The following RRM2 variants were observed in gnomAD, a reference collection of about 807,000 sequenced individuals.
RRM2 encodes ribonucleotide reductase regulatory subunit M2, also known as ribonucleoside-diphosphate reductase subunit M2.
RRM2 carries 6 observed loss-of-function variants against 45.9 expected under a neutral mutation model. The ratio of observed to expected loss-of-function variants is 0.13; its 90% confidence interval spans 0.07 to 0.26. RRM2 has a LOEUF of 0.26. Ranked by LOEUF, RRM2 falls within the 10% of genes least tolerant of loss-of-function variation. RRM2 has a pLI of 1.00. For missense variants in RRM2, 343 were observed against 489.5 expected (o/e 0.70, Z 2.82); for synonymous variants, 177 against 173.0 (o/e 1.02, Z -0.18).
At position 10,172,565 on chromosome 2, in the gene RRM2, C is replaced by T. The variant is rs562836311; in HGVS notation, n.482+30190C>T. The stretch of plus-strand genomic sequence containing the variant: ...AATTGTGAAAATAATTGAATTATGC[C>T]TTTCCAGCTTCAAAGACAACCTGTG... On this transcript the variant is annotated intron_variant and non_coding_transcript_variant, in intron 3 of 3. Coordinates refer to the RRM2 transcript ENST00000381786. The surrounding 1 kb of genome is among the most constrained non-coding windows in gnomAD (Gnocchi z 4.9). Among the ~76,000 whole-genome samples the T allele has an allele frequency of 6.6e-6, 1 of 152,304 alleles. No homozygotes were observed. The highest frequency in any genetic ancestry group is 2.4e-5 in the African/African-American group (1 of 41,566).
chr2:10,199,060 A>T (rs189511239), intron 3 of RRM2: 1 of 152,252 alleles, frequency 6.6e-6, no homozygotes, highest in African/African-American at 2.4e-5. Context: ...CTATAGTTAT[A>T]AAAGGATGAG....
rs372532075 is a variant in RRM2 at position 10,146,799 on chromosome 2, C to T, written n.482+4424C>T. Among the ~76,000 whole-genome samples the T allele has an allele frequency of 1.1e-4, 17 of 152,324 alleles. 1 individual carries two copies. Among genetic ancestry groups the T allele is most frequent in the Admixed American group, 5.9e-4 (9 of 15,308 alleles). On this transcript the variant is annotated intron_variant and non_coding_transcript_variant, in intron 3 of 3. Coordinates refer to the RRM2 transcript ENST00000381786. ...CCCAGCCTTGCCCCCGTTTTGAGCA[C>T]GGGGAAAGTGTACACAGGTAGTGAG...
rs145552424 is a variant in RRM2, at chr2:10,159,970, CCCCAGGG to C, written n.482+17599_482+17605del. Among the ~76,000 whole-genome samples the C allele has an allele frequency of 3.0e-4, 46 of 152,296 alleles. No individual in the cohort carries two copies. The East Asian group carries it at 8.7e-3, about 29-fold the overall frequency. Reference sequence around the variant, plus strand: ...CTCTTACCCTTTGTGCTTAGTGCATCCCCAGGGCCCTCGGGGGAAAGTCCAGCCCCCT... The same window carrying C: ...CTCTTACCCTTTGTGCTTAGTGCATCCCCTCGGGGGAAAGTCCAGCCCCCT... On this transcript the variant is annotated intron_variant and non_coding_transcript_variant, in intron 3 of 3. Coordinates refer to the RRM2 transcript ENST00000381786.
rs571277385 is a variant in RRM2, at chr2:10,205,031, G to A, written n.483-5280G>A. 2.0e-5 allele frequency among the ~76,000 whole-genome samples: 3 copies of A among 152,340 alleles called. No homozygotes were observed. The highest frequency in any genetic ancestry group is 4.8e-5 in the African/African-American group (2 of 41,584). ...ACGCAGTGGTTACAAGCAACCCCAC[G>A]TGGTCTGCTTCGAATCCAGCAAACT... On this transcript the variant is annotated intron_variant and non_coding_transcript_variant, in intron 3 of 3. Coordinates refer to the RRM2 transcript ENST00000381786. The surrounding 1 kb of genome is among the most constrained non-coding windows in gnomAD (Gnocchi z 4.8).
intron 3 of RRM2, among the ~76,000 whole-genome samples, chr2:10,173,247 C>T (rs1380563833): frequency 6.6e-6 from 1 of 152,152 alleles, no homozygotes; most frequent in Non-Finnish European, 1.5e-5. Flanking sequence ...GGGTGTCGGC[C>T]ACGAAGATTA....
At chr2:10,131,616 G>T (rs1236547822), downstream of RRM2, among the ~76,000 whole-genome samples, 1 of 152,188 alleles carries the variant, frequency 6.6e-6, no homozygotes, top group Non-Finnish European at 1.5e-5. Flanking sequence ...GCACACGCCT[G>T]TAATCCCAGC....
rs1371831155 is a variant in RRM2 at position 10,200,677 on chromosome 2, CTG to C, written n.483-9633_483-9632del. On this transcript the variant is annotated intron_variant and non_coding_transcript_variant, in intron 3 of 3. Coordinates refer to the RRM2 transcript ENST00000381786. ...ACACAAAATATGAGGCCCACAGGGA[CTG>C]CGCGCACAAATTATGAGTCCCACGG... Among the ~76,000 whole-genome samples, 34 of 132,538 alleles carry C rather than the reference CTG, an allele frequency of 2.6e-4. 5 individuals are homozygous for C. The highest frequency in any genetic ancestry group is 7.8e-4 in the African/African-American group (28 of 36,080). The allele number at this position is 132,538 out of a possible 152,430, so 87.0% of individuals were successfully genotyped here.
downstream of RRM2, among the ~76,000 whole-genome samples, chr2:10,134,217 G>A (rs1405555683): frequency 6.6e-6 from 1 of 150,904 alleles, no homozygotes; most frequent in East Asian, 1.9e-4. Flanking sequence ...CACCTCCTGG[G>A]AAAGGAGAAT....
intron 3 of RRM2, 51 bp from the exon 4 acceptor site, chr2:10,123,685 T>C (rs774717322): frequency 2.9e-5 from 41 of 1,405,882 alleles, no homozygotes; most frequent in Non-Finnish European, 4.1e-5. Context: ...GTGAGTCCTG[T>C]AGGCTTTACT....
At chr2:10,187,156 GGGCTGGGCC>G (rs1664187666) in intron 3 of RRM2, among the ~76,000 whole-genome samples, 1 of 152,224 alleles carries the variant, frequency 6.6e-6, no homozygotes, top group Non-Finnish European at 1.5e-5. Flanking sequence ...AATGACCCAG[GGGCTGGGCC>G]CAGCCTCTCC....
intron 3 of RRM2, among the ~76,000 whole-genome samples, chr2:10,149,689 G>A (rs1048918838): frequency 7.9e-5 from 12 of 152,140 alleles, no homozygotes; most frequent in African/African-American, 2.2e-4. Context: ...GAGAAGAAGC[G>A]AGGACTACAC....
upstream of RRM2, chr2:10,122,687 C>G: frequency 1.3e-6 from 2 of 1,550,722 alleles, no homozygotes; most frequent in Non-Finnish European, 1.7e-6. Context: ...TGGGAAGGGC[C>G]GGGAGCGCGC....
chr2:10,176,723 G>A (rs765186427), intron 3 of RRM2, among the ~76,000 whole-genome samples: 12 of 152,192 alleles, frequency 7.9e-5, no homozygotes, highest in Non-Finnish European at 1.6e-4. Flanking sequence ...GGATTCCATT[G>A]TATGAACAAA....
chr2:10,155,892 T>C (rs1663411485), intron 3 of RRM2: 1 of 152,188 alleles, frequency 6.6e-6, no homozygotes, highest in African/African-American at 2.4e-5. Context: ...GGCTCTCTGT[T>C]GAGGATAAGG....
rs1664648831 is a variant in RRM2, at chr2:10,205,678, A to ATTTTT, written n.483-4632_483-4628dup. Among the ~76,000 whole-genome samples, 1 of 151,876 alleles carries ATTTTT rather than the reference A, an allele frequency of 6.6e-6. No individual in the cohort carries two copies. The highest frequency in any genetic ancestry group is 6.6e-5 in the Admixed American group (1 of 15,248). On this transcript the variant is annotated intron_variant and non_coding_transcript_variant, in intron 3 of 3. Transcript: ENST00000381786. The surrounding 1 kb of genome is among the most constrained non-coding windows in gnomAD (Gnocchi z 4.8). ...CACACAGTTTGAGAGGGTCCTTTTT[A>ATTTTT]TTTTTATTTTATTTTATTTATTTAT... is the stretch of plus-strand genomic sequence containing the variant.
chr2:10,135,961 G>GT (rs964738675), downstream of RRM2, among the ~76,000 whole-genome samples: 113 of 149,020 alleles, frequency 7.6e-4, 1 homozygote, highest in Admixed American at 1.3e-3. Context: ...TTAGTCATGT[G>GT]TTTTTTTTTT....
chr2:10,200,254 A>G lies in RRM2; in HGVS notation n.483-10057A>G, dbSNP rs186747359. 7.9e-5 allele frequency among the ~76,000 whole-genome samples: 12 copies of G among 152,308 alleles called. No homozygotes were observed. The East Asian group carries it at 1.2e-3, about 15-fold the overall frequency. The stretch of plus-strand genomic sequence containing the variant: ...TTGAGATAAGACCTTTTTAAAGCCA[A>G]TCCCAGCCATGGAAGTGCACCATCA... On this transcript the variant is annotated intron_variant and non_coding_transcript_variant, in intron 3 of 3. Coordinates refer to the RRM2 transcript ENST00000381786.
Position 10,149,333 on chromosome 2 carries a change from T to C in RRM2, n.482+6958T>C, listed in dbSNP as rs530051584. Among the ~76,000 whole-genome samples the C allele has an allele frequency of 5.1e-3, 774 of 152,296 alleles. 2 individuals are homozygous for C. The highest frequency in any genetic ancestry group is 0.01 in the Middle Eastern group (3 of 294). The stretch of plus-strand genomic sequence containing the variant: ...TAGTAGAGATGGTGTTTTGCCGTGT[T>C]GGCTAGGCTGGTCTCGAACTCCTGG... On this transcript the variant is annotated intron_variant and non_coding_transcript_variant, in intron 3 of 3. Transcript: ENST00000381786.
intron 3 of RRM2, among the ~76,000 whole-genome samples, chr2:10,200,868 C>T (rs1664555581): frequency 6.6e-6 from 1 of 152,116 alleles, no homozygotes; most frequent in Non-Finnish European, 1.5e-5. Context: ...GACTTTTGGT[C>T]GGGTGCCATG....
Sources: gnomAD v4.1 joint callset for allele counts (sites outside exome capture counted in the v4.1 genomes callset) on GRCh38, gnomAD v4.1.1 for gene constraint, Gnocchi (gnomAD v3.1) non-coding constraint, MANE v1.5 for transcripts, NCBI Gene and HGNC (gene_info 2026-07-23, HGNC 2026-07-21) for gene names.